KDM6A: variants seen among roughly 807,000 people sequenced by gnomAD.
The protein encoded by KDM6A is lysine demethylase 6A.
Under a neutral mutation model 117.6 loss-of-function variants are expected in KDM6A, and 11 were observed. The ratio of observed to expected loss-of-function variants is 0.09; its 90% CI spans 0.06 to 0.15. KDM6A has a LOEUF of 0.15. KDM6A is among the 10% of genes least tolerant of loss of function. KDM6A has a pLI of 1.00. For missense variants in KDM6A, 799 were observed against 1,077.3 expected, an observed-to-expected ratio of 0.74 and a Z score of 3.62; for synonymous variants, 384 against 396.1, an observed-to-expected ratio of 0.97 and a Z score of 0.36.
intron 27 of KDM6A, chrX:45,106,938 C>T (rs2046550347): frequency 5.2e-6 from 1 of 190,815 alleles, no homozygotes; most frequent in African/African-American, 3.1e-5. Flanking sequence ...TCAAAAGCAG[C>T]TGTACAGATG....
chrX:44,901,371 T>C (rs955343330), intron 2 of KDM6A, among the ~76,000 whole-genome samples: 1 of 110,593 alleles, frequency 9.0e-6, no homozygotes, highest in Non-Finnish European at 1.9e-5. Context: ...AATATATATA[T>C]ATATATACGG....
intron 10 of KDM6A, among the ~76,000 whole-genome samples, chrX:45,054,679 T>C (rs989023789): frequency 2.7e-5 from 3 of 111,999 alleles, no homozygotes; most frequent in Non-Finnish European, 5.6e-5. Flanking sequence ...TTCGCTTTCA[T>C]GATATGGTGA....
At chrX:44,912,630 G>C (rs771442886) in intron 2 of KDM6A, among the ~76,000 whole-genome samples, 1 of 112,235 alleles carries the variant, frequency 8.9e-6, no homozygotes, top group South Asian at 3.7e-4. Flanking sequence ...CTACTGAACA[G>C]AGAGGGTTGA....
intron 21 of KDM6A, among the ~76,000 whole-genome samples, chrX:45,079,825 C>T (rs1325597053): frequency 2.7e-5 from 3 of 112,563 alleles, no homozygotes; most frequent in Admixed American, 9.4e-5. Flanking sequence ...GGATTACAGG[C>T]GTGAGCCACC....
At chrX:44,984,220 G>T (rs148777891) in intron 4 of KDM6A, among the ~76,000 whole-genome samples, 22,777 of 109,217 alleles carry the variant, frequency 0.21, 4,294 homozygotes, top group African/African-American at 0.6. Context: ...TTTTGAGAAG[G>T]GTCTGTTCAT....
At chrX:44,990,945 A>G (rs1267487376) in intron 4 of KDM6A, among the ~76,000 whole-genome samples, 1 of 112,158 alleles carries the variant, frequency 8.9e-6, no homozygotes, top group East Asian at 2.8e-4. Context: ...TGAAATAGTA[A>G]ATATTTTAGG....
Position 45,101,475 on chromosome X carries a change from C to G in KDM6A, c.4035-5935C>G, listed in dbSNP as rs747634844. On this transcript the variant is annotated intron_variant, in intron 27 of 29. Transcript: ENST00000611820. Reference sequence around the variant, plus strand: ...CTCAAATGTGGACAATTTTTCCTCCCCCCACTTTCCTTTCCCAGGGGACAT... The same window carrying G: ...CTCAAATGTGGACAATTTTTCCTCCGCCCACTTTCCTTTCCCAGGGGACAT... 1.8e-4 allele frequency among the ~76,000 whole-genome samples: 20 copies of G among 110,685 alleles called. No individual in the cohort carries two copies. The South Asian group carries it at 7.7e-3, about 42-fold the overall frequency.
chrX:44,943,467 G>T (rs1237440956), intron 2 of KDM6A, among the ~76,000 whole-genome samples: 1 of 110,417 alleles, frequency 9.1e-6, no homozygotes, highest in Non-Finnish European at 1.9e-5. Context: ...TTGCAATAAA[G>T]TGAAGTGCAA....
chrX:44,979,531 A>T (rs986245977), intron 4 of KDM6A, among the ~76,000 whole-genome samples: 2 of 111,089 alleles, frequency 1.8e-5, no homozygotes, highest in Non-Finnish European at 3.8e-5. Flanking sequence ...TCTCTGGTTC[A>T]TCTTTTCATT....
At position 45,006,492 on chromosome X, in the gene KDM6A, G is replaced by A. The variant is rs775231998; in HGVS notation, c.385-4469G>A. On this transcript the variant is annotated intron_variant, in intron 4 of 29. Transcript: ENST00000611820. ...GGGAGGGGAGGGGGTTCTTATCCCT[G>A]ACACACGTAGCCCCTACTGCTGTGT... is the stretch of plus-strand genomic sequence containing the variant. Among the ~76,000 whole-genome samples, 7 of 110,816 alleles carry A rather than the reference G, an allele frequency of 6.3e-5. No homozygotes were observed. In the East Asian group the frequency reaches 1.4e-3, roughly 23 times the overall value.
intron 4 of KDM6A, among the ~76,000 whole-genome samples, chrX:45,001,588 A>T (rs2041144786): frequency 8.9e-6 from 1 of 111,753 alleles, no homozygotes; most frequent in Admixed American, 9.5e-5. Flanking sequence ...GCAAGCACCC[A>T]CGGGTATAAC....
Position 45,063,726 on chromosome X carries a change from A to G in KDM6A, c.1988A>G (p.Gln663Arg). Residue 663 changes from glutamine to arginine, a missense_variant, in exon 17 of 30, where the codon CAG (glutamine) becomes CGG (arginine). By Grantham distance (43) the Gln-to-Arg change is conservative. Coordinates refer to ENST00000611820, the MANE Select transcript of KDM6A (RefSeq NM_001291415.2). ...AGTAATGGAAACGTGCCTTACCTGCAGCGAAACGCACTCACTCTACCTCAT... is the reference window on the plus strand; with the variant it reads ...AGTAATGGAAACGTGCCTTACCTGCGGCGAAACGCACTCACTCTACCTCAT... ...SGSNGNVPYLQRNALTLPHNR... is the reference protein window; with the variant it reads ...SGSNGNVPYLRRNALTLPHNR... 8.3e-7 allele frequency: 1 copy of G among 1,207,368 alleles called. No homozygotes were observed. Among genetic ancestry groups the G allele is most frequent in the Non-Finnish European group, 1.1e-6 (1 of 892,716 alleles).
chrX:44,923,213 G>T (rs977316097), intron 2 of KDM6A, among the ~76,000 whole-genome samples: 9 of 111,198 alleles, frequency 8.1e-5, no homozygotes, highest in African/African-American at 2.9e-4. Flanking sequence ...GTTATGTGTT[G>T]TAGTTTCTTT....
chrX:44,992,038 C>T (rs1047488856), intron 4 of KDM6A, among the ~76,000 whole-genome samples: 1 of 109,441 alleles, frequency 9.1e-6, no homozygotes, highest in African/African-American at 3.3e-5. Flanking sequence ...AAATATTTTC[C>T]CTCCATATAT....
At chrX:44,888,279 T>C (rs754471944) in intron 2 of KDM6A, among the ~76,000 whole-genome samples, 5 of 112,397 alleles carry the variant, frequency 4.4e-5, no homozygotes, top group Non-Finnish European at 9.4e-5. Context: ...CACTCCAGCC[T>C]AGGCGACAGA....
At chrX:45,057,058 A>G (rs1452248397) in intron 10 of KDM6A, among the ~76,000 whole-genome samples, 2 of 111,212 alleles carry the variant, frequency 1.8e-5, no homozygotes, top group Non-Finnish European at 3.8e-5. Context: ...CATTTCTTAC[A>G]TCTTTCAAAC....
chrX:45,055,904 G>A (rs145876992), intron 10 of KDM6A, among the ~76,000 whole-genome samples: 5,270 of 111,082 alleles, frequency 0.047, 316 homozygotes, highest in African/African-American at 0.17. Flanking sequence ...TTCTAGTTAC[G>A]TAAAATTATA....
intron 4 of KDM6A, among the ~76,000 whole-genome samples, chrX:45,007,368 G>A (rs2041549511): frequency 9.0e-6 from 1 of 111,021 alleles, no homozygotes; most frequent in South Asian, 3.8e-4. Flanking sequence ...AATCTTTAAA[G>A]TAAAATCTTT....
In KDM6A at chrX:45,110,167, C is replaced by A. The variant is rs2148306423; in HGVS notation, c.4250C>A (p.Thr1417Lys). The A allele has an allele frequency of 8.3e-7, 1 of 1,210,263 alleles. No homozygotes were observed. Among genetic ancestry groups the A allele is most frequent in the South Asian group, 1.8e-5 (1 of 56,952 alleles). ...IVHCQDCARKTSGNLENFVVL... is the reference protein window; with the variant it reads ...IVHCQDCARKKSGNLENFVVL... ...CATTGCCAAGATTGTGCACGAAAAA[C>A]AAGCGGAAACTTGGAAAACTTTGTG... is the stretch of plus-strand genomic sequence containing the variant. Residue 1417 changes from threonine to lysine, a missense_variant, in exon 29 of 30, where the codon ACA (threonine) becomes AAA (lysine). By Grantham distance (78) the Thr-to-Lys change is moderately conservative (BLOSUM62 -1). Transcript: ENST00000611820.
Sources: gnomAD v4.1 joint callset for allele counts (sites outside exome capture counted in the v4.1 genomes callset) on GRCh38, gnomAD v4.1.1 for gene constraint, MANE v1.5 for transcripts, NCBI Gene and HGNC (gene_info 2026-07-23, HGNC 2026-07-21) for gene names.